The following GALNT9 variants were observed in gnomAD, a reference collection of about 807,000 sequenced individuals.
GALNT9 encodes the protein polypeptide N-acetylgalactosaminyltransferase 9.
Under a neutral mutation model 63.1 loss-of-function variants are expected in GALNT9, and 47 were observed. That is an observed-to-expected ratio of 0.75 (90% CI 0.59 to 0.95). The LOEUF (loss-of-function observed/expected upper bound fraction) is 0.95, where lower values mean the gene tolerates loss of function less well. Among genes scored for constraint, GALNT9 ranks in the 40% least tolerant of loss-of-function variants. The pLI, the probability that GALNT9 is intolerant of heterozygous loss-of-function variation, is 0.00. For synonymous variants in GALNT9, 396 were observed against 365.7 expected, an observed-to-expected ratio of 1.08 and a Z score of -0.94; for missense variants, 829 against 874.8, an observed-to-expected ratio of 0.95 and a Z score of 0.66.
rs537386492 is a variant in GALNT9, at chr12:132,287,105, A to C, written c.239-675T>G. On this transcript the variant is annotated intron_variant, in intron 1 of 10. Transcript: ENST00000328957. The stretch of plus-strand genomic sequence containing the variant: ...CCACAGCCCTCAGTGAGTCACCTGC[A>C]TCGGGCAGCATCGGCTCATCGACGG... Among the ~76,000 whole-genome samples, 68 of 112,760 alleles carry C rather than the reference A, an allele frequency of 6.0e-4. 1 individual carries two copies. Among genetic ancestry groups the C allele is most frequent in the Non-Finnish European group, 9.2e-4 (53 of 57,890 alleles). 74.0% of individuals were successfully genotyped at this position (112,760 alleles called of 152,430 possible). A position where few individuals can be genotyped will look rare whatever the true frequency, so the allele number is the denominator to read the frequency against.
chr12:132,253,160 C>T (rs182760033), intron 5 of GALNT9, among the ~76,000 whole-genome samples: 3 of 152,322 alleles, frequency 2.0e-5, no homozygotes, highest in South Asian at 2.1e-4. Context: ...CTATCTACTA[C>T]GAACTCCAAA....
intron 6 of GALNT9, among the ~76,000 whole-genome samples, chr12:132,227,408 G>A (rs1877736640): frequency 1.3e-5 from 2 of 152,246 alleles, no homozygotes; most frequent in East Asian, 3.9e-4. Context: ...CGAAGCGTGT[G>A]CCTGTGAAAG....
Position 132,316,144 on chromosome 12 carries a change from C to T in GALNT9, c.238+12822G>A, listed in dbSNP as rs571162291. Among the ~76,000 whole-genome samples, 52 of 152,114 alleles carry T rather than the reference C, an allele frequency of 3.4e-4. No individual in the cohort carries two copies. The highest frequency in any genetic ancestry group is 6.3e-4 in the Non-Finnish European group (43 of 67,992). ...GGCAGGCAGAGGCAGGAGCTGGCCGCGGGCTGGGAGGCGACCCCACAGACC... is the reference window on the plus strand; with the variant it reads ...GGCAGGCAGAGGCAGGAGCTGGCCGTGGGCTGGGAGGCGACCCCACAGACC... On this transcript the variant is annotated intron_variant, in intron 1 of 10. Coordinates refer to ENST00000328957, the MANE Select transcript of GALNT9 (RefSeq NM_001122636.2). The surrounding 1 kb of genome is among the most constrained non-coding windows in gnomAD (Gnocchi z 4.3).
intron 4 of GALNT9, among the ~76,000 whole-genome samples, chr12:132,259,737 G>A (rs1037828700): frequency 2.0e-5 from 3 of 152,222 alleles, no homozygotes; most frequent in African/African-American, 7.2e-5. Context: ...AATCATGACA[G>A]TCCCAGCCTC....
At chr12:132,323,972 C>G (rs1593127028) in intron 1 of GALNT9, among the ~76,000 whole-genome samples, 1 of 152,036 alleles carries the variant, frequency 6.6e-6, no homozygotes, top group Non-Finnish European at 1.5e-5. Context: ...CAACGTGGGA[C>G]GTTGTAATAC....
Position 132,257,882 on chromosome 12 carries a change from CG to C in GALNT9, c.765del (p.Glu256SerfsTer69). The C allele has an allele frequency of 6.5e-7, 1 of 1,533,982 alleles. No homozygotes were observed. Among genetic ancestry groups the C allele is most frequent in the Non-Finnish European group, 8.8e-7 (1 of 1,137,326 alleles). On this transcript the variant is annotated frameshift_variant, in exon 5 of 11. Transcript: ENST00000328957. LOFTEE classifies it high-confidence loss of function. ...TCTCGGATCCGCGACAGTGCGGGCT[CG>C]GCCCTGCGGAGGCACAGCTGTGAGG... is the stretch of plus-strand genomic sequence containing the variant. ...DAHVEFNTGW[A>X]EPALSRIRED...
At chr12:132,262,086 G>C (rs1338031686) in intron 3 of GALNT9, among the ~76,000 whole-genome samples, 2 of 152,224 alleles carry the variant, frequency 1.3e-5, no homozygotes, top group Non-Finnish European at 2.9e-5. Context: ...TCCACCCGGA[G>C]CCTGAGAGGA....
At chr12:132,231,030 G>A (rs1047968290) in intron 6 of GALNT9, among the ~76,000 whole-genome samples, 7 of 140,908 alleles carry the variant, frequency 5.0e-5, no homozygotes, top group African/African-American at 1.6e-4. Flanking sequence ...CCACACACTC[G>A]ATGGGGCGAC....
At chr12:132,272,510 T>C (rs1302971153) in intron 2 of GALNT9, among the ~76,000 whole-genome samples, 2 of 152,254 alleles carry the variant, frequency 1.3e-5, no homozygotes, top group African/African-American at 4.8e-5. Context: ...TTTCTGTGTT[T>C]TCCGCAGGAG....
intron 5 of GALNT9, among the ~76,000 whole-genome samples, chr12:132,251,916 A>T (rs1459713004): frequency 6.6e-6 from 1 of 152,126 alleles, no homozygotes; most frequent in Non-Finnish European, 1.5e-5. Flanking sequence ...CACTTGAACC[A>T]GCAGCCCCGA....
intron 6 of GALNT9, among the ~76,000 whole-genome samples, chr12:132,204,063 C>A (rs1319827850): frequency 6.6e-6 from 1 of 152,042 alleles, no homozygotes; most frequent in Admixed American, 6.6e-5. Flanking sequence ...GCCACCTCCC[C>A]CAGCACCCGA....
chr12:132,295,930 C>T (rs545670691), intron 1 of GALNT9, among the ~76,000 whole-genome samples: 18 of 147,246 alleles, frequency 1.2e-4, no homozygotes, highest in Non-Finnish European at 2.0e-4. Flanking sequence ...GGACGGCCTC[C>T]GAACAGGGAC....
At chr12:132,299,700 C>T (rs1245078849) in intron 1 of GALNT9, among the ~76,000 whole-genome samples, 1 of 137,746 alleles carries the variant, frequency 7.3e-6, no homozygotes, top group African/African-American at 2.7e-5. Flanking sequence ...CTGAGATGAC[C>T]AAGCCACTGC....
At chr12:132,215,729 G>A (rs1333355996) in intron 6 of GALNT9, among the ~76,000 whole-genome samples, 5 of 152,230 alleles carry the variant, frequency 3.3e-5, no homozygotes, top group African/African-American at 7.2e-5. Flanking sequence ...CGTGGCTCAC[G>A]TGGCAGCACA....
In GALNT9 at chr12:132,257,741, T is replaced by C. The variant is rs782105796; in HGVS notation, c.907A>G (p.Ile303Val). The change falls in exon 5 of 11, where the codon ATC becomes GTC. Residue 303 changes from isoleucine (I) to valine (V), a missense_variant. Coordinates refer to ENST00000328957, the MANE Select transcript of GALNT9 (RefSeq NM_001122636.2). ...TCCAGCCAGTCCTGCGGGGGGATGA[T>C]GTACATGCACCAGAGGCCCCAGTTG... ...GYNWGLWCMY[I>V]IPPQDWLDRG... The C allele has an allele frequency of 3.2e-6, 5 of 1,550,312 alleles. No individual in the cohort carries two copies. The South Asian group carries it at 5.9e-5, about 18-fold the overall frequency.
chr12:132,267,685 AATAG>A (rs1339208590), intron 2 of GALNT9, among the ~76,000 whole-genome samples: 2 of 152,184 alleles, frequency 1.3e-5, no homozygotes, highest in East Asian at 3.9e-4. Flanking sequence ...GATGCATTGA[AATAG>A]ATAAAGGAGT....
intron 6 of GALNT9, among the ~76,000 whole-genome samples, chr12:132,228,530 G>T (rs1877785565): frequency 6.6e-6 from 1 of 151,320 alleles, no homozygotes; most frequent in Non-Finnish European, 1.5e-5. Context: ...ACACCTCTTT[G>T]CCTCTGGCGA....
In GALNT9 at chr12:132,269,270, G is replaced by A. The variant is rs978539253; in HGVS notation, c.420-6645C>T. Among the ~76,000 whole-genome samples, 10 of 152,252 alleles carry A rather than the reference G, an allele frequency of 6.6e-5. No individual in the cohort carries two copies. In the East Asian group the frequency reaches 1.8e-3, roughly 27 times the overall value. ...CTGGCCGAGAATTTGCTCTGGGCTTGGTGATGGGAGGACTCGTCGAGTGTG... is the reference window on the plus strand; with the variant it reads ...CTGGCCGAGAATTTGCTCTGGGCTTAGTGATGGGAGGACTCGTCGAGTGTG... On this transcript the variant is annotated intron_variant, in intron 2 of 10. Coordinates refer to ENST00000328957, the MANE Select transcript of GALNT9 (RefSeq NM_001122636.2).
intron 1 of GALNT9, among the ~76,000 whole-genome samples, chr12:132,300,833 A>G (rs1299884183): frequency 1.3e-5 from 2 of 150,360 alleles, no homozygotes; most frequent in South Asian, 2.1e-4. Flanking sequence ...CCCCTGAGAT[A>G]ACCAACCCAC....
Sources: gnomAD v4.1 joint callset for allele counts (sites outside exome capture counted in the v4.1 genomes callset) on GRCh38, gnomAD v4.1.1 for gene constraint, Gnocchi (gnomAD v3.1) non-coding constraint, MANE v1.5 for transcripts, NCBI Gene and HGNC (gene_info 2026-07-23, HGNC 2026-07-21) for gene names.